The following TMX2 variants were observed in gnomAD, a reference collection of about 807,000 sequenced individuals.
TMX2 encodes the protein thioredoxin-related transmembrane protein 2.
Under a neutral mutation model 33.4 loss-of-function variants are expected in TMX2, and 20 were observed. That is an observed-to-expected ratio of 0.60 (90% CI 0.42 to 0.87). The LOEUF is 0.87. Ranked by LOEUF, TMX2 falls within the 40% of genes least tolerant of loss-of-function variation. The pLI, the probability that TMX2 is intolerant of heterozygous loss-of-function variation, is 0.00. For missense variants in TMX2, 340 were observed against 370.7 expected (o/e 0.92, Z 0.68); for synonymous variants, 166 against 140.7 (o/e 1.18, Z -1.27).
At chr11:57,738,896 C>G (rs1351215217) in intron 5 of TMX2, 78 bp from the exon 6 acceptor site, 3 of 1,547,916 alleles carry the variant, frequency 1.9e-6, no homozygotes, top group Non-Finnish European at 2.7e-6. Flanking sequence ...TCTCCCTCTC[C>G]CCTCTTAAAT....
At position 57,740,230 on chromosome 11, in the gene TMX2, C is replaced by T. The variant is rs767962300; in HGVS notation, c.876C>T (p.Asn292=). ...STPTTVSDGE[N]KKDK is the part of the protein sequence containing the mutation. ...CCACCACAGTGTCAGATGGGGAAAA[C>T]AAGAAGGATAAATAAGATCCTCACT... The change falls in exon 8 of 8, where the codon AAC becomes AAT. Residue 292 remains asparagine (N), a synonymous_variant. Coordinates refer to ENST00000278422, the MANE Select transcript of TMX2 (RefSeq NM_015959.4). The T allele has an allele frequency of 6.2e-7, 1 of 1,604,280 alleles. No individual in the cohort carries two copies.
rs561967526 is a variant in TMX2 at position 57,735,375 on chromosome 11, A to AT, written c.190-2226dup. ...AGGCGTATGCCACCGTGCCTGGCTA[A>AT]TTTTTTTGTATTTTTAGTAGAGACG... On this transcript the variant is annotated intron_variant, in intron 1 of 7. Coordinates refer to ENST00000278422, the MANE Select transcript of TMX2 (RefSeq NM_015959.4). 8.0e-4 allele frequency among the ~76,000 whole-genome samples: 122 copies of AT among 151,732 alleles called. 1 individual carries two copies. The highest frequency in any genetic ancestry group is 1.7e-3 in the Non-Finnish European group (114 of 67,894).
chr11:57,734,432 G>GT (rs1948617176), intron 1 of TMX2, among the ~76,000 whole-genome samples: 1 of 152,080 alleles, frequency 6.6e-6, no homozygotes, highest in Admixed American at 6.6e-5. Flanking sequence ...TGGTCCCCTG[G>GT]TTAACTACAA....
At chr11:57,740,027 TAC>T in intron 7 of TMX2, 70 bp from the exon 8 acceptor site, 1 of 1,602,674 alleles carries the variant, frequency 6.2e-7, no homozygotes, top group Non-Finnish European at 8.5e-7. Context: ...TTGTGTAAAA[TAC>T]CTCTTACTTC....
chr11:57,738,924 C>A (rs1340369040), intron 5 of TMX2, 50 bp from the exon 6 acceptor site: 1 of 1,585,544 alleles, frequency 6.3e-7, no homozygotes, highest in Non-Finnish European at 8.7e-7. Flanking sequence ...CTTCCACTTT[C>A]CTTGATCCAT....
chr11:57,715,586 C>CTTTTTTTTTTTT lies in TMX2; in HGVS notation c.189+2789_189+2790insTTTTTTTTTTTT, dbSNP rs367827761. ...TTTATAACCTCTTAGAATTTGTTTTCTTTTTTTTTTCTTTTATTGATCATT... is the reference window on the plus strand; with the variant it reads ...TTTATAACCTCTTAGAATTTGTTTTCTTTTTTTTTTTTTTTTTTTTTTCTTTTATTGATCATT... On this transcript the variant is annotated intron_variant, in intron 1 of 7. Coordinates refer to ENST00000278422, the MANE Select transcript of TMX2 (RefSeq NM_015959.4). 2.1e-3 allele frequency among the ~76,000 whole-genome samples: 279 copies of CTTTTTTTTTTTT among 130,002 alleles called. 2 individuals are homozygous for CTTTTTTTTTTTT. The highest frequency in any genetic ancestry group is 5.3e-3 in the East Asian group (22 of 4,120). 85.3% of individuals were successfully genotyped at this position (130,002 alleles called of 152,430 possible). A position where few individuals can be genotyped will look rare whatever the true frequency, so the allele number is the denominator to read the frequency against.
intron 5 of TMX2, 50 bp downstream of exon 5, chr11:57,738,820 C>T: frequency 6.4e-7 from 1 of 1,570,608 alleles, no homozygotes; most frequent in Non-Finnish European, 8.8e-7. Context: ...CTGTGCCTTC[C>T]CTCTCACTGT....
chr11:57,721,230 G>A (rs1947606959), intron 1 of TMX2, among the ~76,000 whole-genome samples: 1 of 152,016 alleles, frequency 6.6e-6, no homozygotes, highest in Non-Finnish European at 1.5e-5. Context: ...TGAACTGGGA[G>A]GCAGAGGTTG....
intron 1 of TMX2, among the ~76,000 whole-genome samples, chr11:57,721,615 C>T (rs1947638333): frequency 6.6e-6 from 1 of 151,998 alleles, no homozygotes; most frequent in South Asian, 2.1e-4. Flanking sequence ...TGTGCCTGGT[C>T]TAAAATGTTT....
intron 1 of TMX2, among the ~76,000 whole-genome samples, chr11:57,714,266 ATTG>A (rs1946830441): frequency 6.6e-6 from 1 of 152,336 alleles, no homozygotes; most frequent in African/African-American, 2.4e-5. Flanking sequence ...GTTCAATTAA[ATTG>A]TTGTGTCTCA....
intron 1 of TMX2, among the ~76,000 whole-genome samples, chr11:57,716,708 G>A (rs1251567220): frequency 6.9e-6 from 1 of 145,712 alleles, no homozygotes; most frequent in African/African-American, 2.6e-5. Context: ...AGGCCGGGTG[G>A]GGGGCTGACT....
At chr11:57,720,348 A>G (rs1947539155) in intron 1 of TMX2, among the ~76,000 whole-genome samples, 1 of 152,224 alleles carries the variant, frequency 6.6e-6, no homozygotes, top group South Asian at 2.1e-4. Flanking sequence ...ATATGGTACC[A>G]ATAACGAATG....
chr11:57,715,985 T>C (rs1214668208), intron 1 of TMX2, among the ~76,000 whole-genome samples: 1 of 152,216 alleles, frequency 6.6e-6, no homozygotes, highest in Non-Finnish European at 1.5e-5. Context: ...TCTACTTCTT[T>C]CTACACAGAC....
At chr11:57,718,897 C>T (rs576785800) in intron 1 of TMX2, among the ~76,000 whole-genome samples, 17 of 151,338 alleles carry the variant, frequency 1.1e-4, no homozygotes, top group East Asian at 7.8e-4. Context: ...CCTCATGATC[C>T]GCCCGCCTTG....
intron 1 of TMX2, among the ~76,000 whole-genome samples, chr11:57,733,704 A>G (rs973765806): frequency 1.7e-4 from 26 of 152,208 alleles, no homozygotes; most frequent in African/African-American, 6.0e-4. Context: ...GGTTCATTCA[A>G]TTATCCTCTC....
Position 57,740,035 on chromosome 11 carries a change from A to G in TMX2, c.745-64A>G, listed in dbSNP as rs925275835. 5 of 1,607,072 alleles carry G rather than the reference A, an allele frequency of 3.1e-6. No homozygotes were observed. In the Admixed American group the frequency reaches 6.8e-5, roughly 22 times the overall value. ...CCAGACTTTGTGTAAAATACCTCTT[A>G]CTTCCCAGGCTCTTTACTCTCCCTT... is the stretch of plus-strand genomic sequence containing the variant. On this transcript the variant is annotated intron_variant, in intron 7 of 7. Transcript: ENST00000278422.
chr11:57,738,641 C>A, intron 4 of TMX2, 23 bp from the exon 5 acceptor site: 1 of 1,605,796 alleles, frequency 6.2e-7, no homozygotes, highest in East Asian at 2.2e-5. Flanking sequence ...ATCCAGCTGA[C>A]TTTTCTTCCC....
intron 1 of TMX2, among the ~76,000 whole-genome samples, chr11:57,721,021 T>TTTC (rs397740339): frequency 6.6e-6 from 1 of 151,612 alleles, no homozygotes; most frequent in Non-Finnish European, 1.5e-5. Flanking sequence ...TTTTTTTTTT[T>TTTC]CCTCAGGCCA....
chr11:57,738,855 C>T, intron 5 of TMX2, 85 bp downstream of exon 5: 3 of 1,541,934 alleles, frequency 1.9e-6, no homozygotes, highest in Admixed American at 1.7e-5. Flanking sequence ...TTTCTTTTGG[C>T]CTTGATTTTC....
Sources: allele counts gnomAD v4.1 joint callset (sites outside exome capture counted in the v4.1 genomes callset), GRCh38; gene constraint gnomAD v4.1.1; transcripts MANE v1.5; gene names NCBI Gene and HGNC (gene_info 2026-07-23, HGNC 2026-07-21).